The following EDA variants were observed in gnomAD, a reference collection of about 807,000 sequenced individuals.
The protein encoded by EDA is ectodysplasin-A.
In EDA, 2 loss-of-function variants were observed where a neutral mutation model predicts 23.6. The ratio of observed to expected loss-of-function variants is 0.08; its 90% CI spans 0.03 to 0.27. The LOEUF (loss-of-function observed/expected upper bound fraction) is 0.27. Ranked by LOEUF, EDA falls within the 10% of genes least tolerant of loss-of-function variation. EDA has a pLI of 1.00. For synonymous variants in EDA, 131 were observed against 132.0 expected, an observed-to-expected ratio of 0.99 and a Z score of 0.05; for missense variants, 229 against 324.2, an observed-to-expected ratio of 0.71 and a Z score of 2.26.
At chrX:69,783,082 G>A (rs1167739953) in intron 1 of EDA, among the ~76,000 whole-genome samples, 1 of 111,456 alleles carries the variant, frequency 9.0e-6, no homozygotes, top group Non-Finnish European at 1.9e-5. Context: ...TTATAGAAAA[G>A]GAATTAACAT....
intron 1 of EDA, among the ~76,000 whole-genome samples, chrX:69,793,595 C>T (rs1174858360): frequency 2.3e-5 from 2 of 87,994 alleles, no homozygotes; most frequent in Admixed American, 1.3e-4. Flanking sequence ...TTTTTGCTCC[C>T]GCTTTAGCTT....
chrX:69,910,374 A>AGAGTGTGT (rs1191245556), intron 1 of EDA, among the ~76,000 whole-genome samples: 3 of 41,753 alleles, frequency 7.2e-5, no homozygotes, highest in East Asian at 1.5e-3. Flanking sequence ...AGAGAGAGAG[A>AGAGTGTGT]GTGTGTGTGT....
At chrX:69,704,210 G>A (rs922454266) in intron 1 of EDA, among the ~76,000 whole-genome samples, 1 of 111,860 alleles carries the variant, frequency 8.9e-6, no homozygotes, top group African/African-American at 3.3e-5. Context: ...GAAAGGCAAG[G>A]CAACTGGAAG....
intron 1 of EDA, among the ~76,000 whole-genome samples, chrX:69,657,485 C>T (rs1342876565): frequency 2.7e-5 from 3 of 111,883 alleles, no homozygotes; most frequent in African/African-American, 9.7e-5. Context: ...TTGTTTAAGT[C>T]TCATGTGTCT....
intron 1 of EDA, among the ~76,000 whole-genome samples, chrX:69,620,194 A>G (rs1389914104): frequency 8.9e-6 from 1 of 112,368 alleles, no homozygotes; most frequent in Non-Finnish European, 1.9e-5. Context: ...AATGTTAAGT[A>G]TTAGACACCT....
rs190913465 is a variant in EDA at position 70,009,251 on chromosome X, T to C, written c.503-13967T>C. On this transcript the variant is annotated intron_variant, in intron 2 of 7. Coordinates refer to ENST00000374552, the MANE Select transcript of EDA (RefSeq NM_001399.5). ...TCATTGATTTTCTCTATTGCTTTCC[T>C]GTTTTTACTTTCATTTATTTTTGCT... is the stretch of plus-strand genomic sequence containing the variant. Among the ~76,000 whole-genome samples, 178 of 112,000 alleles carry C rather than the reference T, an allele frequency of 1.6e-3. 2 individuals are homozygous for C. Among genetic ancestry groups the C allele is most frequent in the African/African-American group, 4.7e-3 (144 of 30,858 alleles).
intron 1 of EDA, among the ~76,000 whole-genome samples, chrX:69,646,218 C>G (rs760303626): frequency 9.0e-6 from 1 of 111,359 alleles, no homozygotes; most frequent in Admixed American, 9.6e-5. Flanking sequence ...GAGCTGAGTT[C>G]AGGTAGTAAA....
At position 69,961,107 on chromosome X, in the gene EDA, GT is replaced by G. The variant is rs1256443709; in HGVS notation, c.502+3981del. Among the ~76,000 whole-genome samples, 15 of 111,456 alleles carry G rather than the reference GT, an allele frequency of 1.3e-4. No homozygotes were observed. In the South Asian group the frequency reaches 4.9e-3, roughly 36 times the overall value. On this transcript the variant is annotated intron_variant, in intron 2 of 7. Coordinates refer to ENST00000374552, the MANE Select transcript of EDA (RefSeq NM_001399.5). ...TTTGGTCATTCATCATTTAACAAAT[GT>G]TTTTTACAGGTGCCCGCCACAACAC... is the stretch of plus-strand genomic sequence containing the variant.
rs891116278 is a variant in EDA at position 70,038,358 on chromosome X, T to C, written c.*2749T>C. ...GGGGAGCCCTATTGCTGCTAAGTCA[T>C]TGGCAAAGTGACAAAGCAATTTACT... On this transcript the variant is annotated 3_prime_UTR_variant, in exon 8 of 8. Coordinates refer to ENST00000374552, the MANE Select transcript of EDA (RefSeq NM_001399.5). The C allele has an allele frequency of 2.7e-5, 3 of 111,156 alleles. No individual in the cohort carries two copies. The highest frequency in any genetic ancestry group is 9.8e-5 in the African/African-American group (3 of 30,532). The allele number at this position is 111,156 out of a possible 1,213,427, so 9.2% of individuals were successfully genotyped here.
At chrX:69,687,933 G>A (rs779638683) in intron 1 of EDA, among the ~76,000 whole-genome samples, 1 of 111,772 alleles carries the variant, frequency 8.9e-6, no homozygotes, top group African/African-American at 3.2e-5. Context: ...GTGGGGAAGT[G>A]AAGGAAAGCA....
At chrX:69,749,919 G>GTTTTT (rs748583222) in intron 1 of EDA, among the ~76,000 whole-genome samples, 1 of 48,614 alleles carries the variant, frequency 2.1e-5, no homozygotes, top group African/African-American at 1.1e-4. Flanking sequence ...TCTCACTAAG[G>GTTTTT]TTCTTTTTTT....
intron 1 of EDA, among the ~76,000 whole-genome samples, chrX:69,804,881 G>A (rs2015777974): frequency 8.9e-6 from 1 of 111,769 alleles, no homozygotes; most frequent in Admixed American, 9.5e-5. Flanking sequence ...ATACCCTGGA[G>A]CCATGTTATA....
At chrX:69,810,142 C>T (rs1046580096) in intron 1 of EDA, among the ~76,000 whole-genome samples, 3 of 103,366 alleles carry the variant, frequency 2.9e-5, no homozygotes, top group Admixed American at 1.1e-4. Context: ...CCTGTAATCC[C>T]AGCTACTCAG....
intron 1 of EDA, among the ~76,000 whole-genome samples, chrX:69,783,740 T>C (rs1348262985): frequency 3.8e-4 from 42 of 111,222 alleles, no homozygotes; most frequent in Non-Finnish European, 4.9e-4. Context: ...TGAATAATGC[T>C]GCAATAAACA....
chrX:69,616,381 T>C lies in EDA; in HGVS notation c.73T>C (p.Cys25Arg). ...AAPRERGSQG[C>R]GCGGAPARAG... ...GCCGCGGGAGCGAGGGAGCCAGGGC[T>C]GCGGGTGTGGCGGGGCCCCTGCCCG... Residue 25 changes from cysteine to arginine, a missense_variant, in exon 1 of 8, where the codon TGC (cysteine) becomes CGC (arginine). By Grantham distance (180) the Cys-to-Arg change is radical. This residue lies in a region of EDA where 54 missense variants were observed against 42.4 expected (regional missense o/e 1.27). Transcript: ENST00000374552. 1 of 1,209,145 alleles carries C rather than the reference T, an allele frequency of 8.3e-7. No individual in the cohort carries two copies. Among genetic ancestry groups the C allele is most frequent in the Non-Finnish European group, 1.1e-6 (1 of 894,957 alleles).
At chrX:69,777,915 C>G (rs1175717774) in intron 1 of EDA, among the ~76,000 whole-genome samples, 1 of 111,567 alleles carries the variant, frequency 9.0e-6, no homozygotes, top group African/African-American at 3.2e-5. Flanking sequence ...TATACCTTTT[C>G]TTGTTTAGAG....
Position 69,678,143 on chromosome X carries a change from G to A in EDA, c.396+61439G>A, listed in dbSNP as rs975350412. ...GATCAGATAGTTGTAGATATGCGAC[G>A]TTATTCCTGAGGGCTCTGTTCTGTT... On this transcript the variant is annotated intron_variant, in intron 1 of 7. Coordinates refer to ENST00000374552, the MANE Select transcript of EDA (RefSeq NM_001399.5). 1.4e-4 allele frequency among the ~76,000 whole-genome samples: 15 copies of A among 110,874 alleles called. 1 individual carries two copies. Among genetic ancestry groups the A allele is most frequent in the Admixed American group, 1.9e-4 (2 of 10,422 alleles).
In EDA at chrX:69,987,299, AATTTTTT is replaced by A. The variant is rs1344571586; in HGVS notation, c.502+30168_502+30174del. 4.3e-3 allele frequency among the ~76,000 whole-genome samples: 399 copies of A among 93,270 alleles called. 1 individual carries two copies. Among genetic ancestry groups the A allele is most frequent in the African/African-American group, 0.014 (376 of 26,238 alleles). 81.0% of individuals were successfully genotyped at this position (93,270 alleles called of 115,157 possible). ...TAAAAAAAAAAAAATTAAAAAAAAA[AATTTTTT>A]TTTTTAAAAATAAATAAATAAAAAA... On this transcript the variant is annotated intron_variant, in intron 2 of 7. Transcript: ENST00000374552.
intron 1 of EDA, among the ~76,000 whole-genome samples, chrX:69,874,697 T>A (rs1404741223): frequency 6.3e-5 from 7 of 111,798 alleles, no homozygotes. Context: ...AGAGAGGATG[T>A]CACTGTTTAC....
Sources: allele counts gnomAD v4.1 joint callset (sites outside exome capture counted in the v4.1 genomes callset), GRCh38; gene constraint gnomAD v4.1.1; regional missense constraint gnomAD v4.1.1; transcripts MANE v1.5; gene names NCBI Gene and HGNC (gene_info 2026-07-23, HGNC 2026-07-21).